The following LRP1B variants were observed in gnomAD, a reference collection of about 807,000 sequenced individuals.
LRP1B encodes the protein low-density lipoprotein receptor-related protein 1B.
Under a neutral mutation model 556.6 loss-of-function variants are expected in LRP1B, and 217 were observed. That is an observed-to-expected ratio of 0.39 (90% CI 0.35 to 0.44). LRP1B has a LOEUF of 0.44. Ranked by LOEUF, LRP1B falls within the 20% of genes least tolerant of loss-of-function variation. The pLI is 1.00. For missense variants in LRP1B, 5,053 were observed against 5,620.8 expected, an observed-to-expected ratio of 0.90 and a Z score of 3.23; for synonymous variants, 2,047 against 1,865.8, an observed-to-expected ratio of 1.10 and a Z score of -2.50.
intron 2 of LRP1B, among the ~76,000 whole-genome samples, chr2:141,661,994 C>G (rs975077779): frequency 6.6e-6 from 1 of 152,156 alleles, no homozygotes; most frequent in Non-Finnish European, 1.5e-5. Flanking sequence ...CAGCAGAAAC[C>G]CTACAAGGCA....
In LRP1B at chr2:141,350,789, A is replaced by C. The variant is rs116012643; in HGVS notation, c.344-96148T>G. Among the ~76,000 whole-genome samples the C allele has an allele frequency of 4.2e-3, 635 of 152,120 alleles. 4 individuals carry two copies. Among genetic ancestry groups the C allele is most frequent in the African/African-American group, 0.014 (565 of 41,480 alleles). On this transcript the variant is annotated intron_variant, in intron 3 of 90. Transcript: ENST00000389484. Reference sequence around the variant, plus strand: ...AACTTTGCACTTGCCTGATCAAGTCATTTCATGTAATTTCCTTCCTCAAAA... The same window carrying C: ...AACTTTGCACTTGCCTGATCAAGTCCTTTCATGTAATTTCCTTCCTCAAAA...
intron 32 of LRP1B, among the ~76,000 whole-genome samples, chr2:140,784,736 A>C (rs1274413264): frequency 6.6e-6 from 1 of 151,962 alleles, no homozygotes; most frequent in Non-Finnish European, 1.5e-5. Context: ...AGGTAAAAAA[A>C]AAAATTGAAC....
chr2:140,972,813 T>C (rs1007847254), intron 18 of LRP1B, among the ~76,000 whole-genome samples: 18 of 151,680 alleles, frequency 1.2e-4, no homozygotes, highest in African/African-American at 3.9e-4. Flanking sequence ...TTTATGTAAA[T>C]TTCTGACAAT....
intron 10 of LRP1B, among the ~76,000 whole-genome samples, chr2:141,053,630 A>G (rs1444631564): frequency 1.1e-4 from 16 of 152,044 alleles, no homozygotes. Context: ...CTACTGGTCC[A>G]GGTTTTTAAA....
intron 3 of LRP1B, among the ~76,000 whole-genome samples, chr2:141,286,194 TTTTC>T (rs1244673296): frequency 6.6e-6 from 1 of 152,180 alleles, no homozygotes. Context: ...GTCAAGTTCT[TTTTC>T]TATGTGCCTT....
intron 1 of LRP1B, among the ~76,000 whole-genome samples, chr2:142,000,290 A>G (rs1034357348): frequency 1.3e-5 from 2 of 152,114 alleles, no homozygotes; most frequent in African/African-American, 2.4e-5. Flanking sequence ...TCATAATTTC[A>G]GTTACACTCT....
intron 66 of LRP1B, among the ~76,000 whole-genome samples, chr2:140,416,826 A>G (rs1379826871): frequency 6.6e-6 from 1 of 152,160 alleles, no homozygotes; most frequent in Non-Finnish European, 1.5e-5. Flanking sequence ...TATTTTATTT[A>G]CCACATCCAT....
At chr2:141,650,106 G>A (rs1689729455) in intron 2 of LRP1B, among the ~76,000 whole-genome samples, 1 of 152,214 alleles carries the variant, frequency 6.6e-6, no homozygotes, top group Non-Finnish European at 1.5e-5. Flanking sequence ...CCTGAATCCA[G>A]GAGGCGGAGG....
At chr2:141,872,331 A>C (rs993183722) in intron 1 of LRP1B, among the ~76,000 whole-genome samples, 1 of 151,986 alleles carries the variant, frequency 6.6e-6, no homozygotes, top group Non-Finnish European at 1.5e-5. Context: ...TGGATTCAGA[A>C]GGAAACTAAC....
At chr2:142,085,131 G>C (rs1705867071) in intron 1 of LRP1B, among the ~76,000 whole-genome samples, 1 of 152,150 alleles carries the variant, frequency 6.6e-6, no homozygotes, top group Non-Finnish European at 1.5e-5. Context: ...CCAGTATTCA[G>C]AGGATTTCTT....
intron 7 of LRP1B, among the ~76,000 whole-genome samples, chr2:141,096,303 C>G (rs1457673032): frequency 6.6e-6 from 1 of 151,874 alleles, no homozygotes; most frequent in Non-Finnish European, 1.5e-5. Flanking sequence ...ACTGTAAATC[C>G]TCGGCCAGGC....
At chr2:141,905,877 C>G (rs1056905074) in intron 1 of LRP1B, among the ~76,000 whole-genome samples, 4 of 147,316 alleles carry the variant, frequency 2.7e-5, no homozygotes, top group Non-Finnish European at 6.0e-5. Context: ...ATATACATCT[C>G]TAAGAGGACA....
At chr2:141,314,025 G>A (rs1377472152) in intron 3 of LRP1B, among the ~76,000 whole-genome samples, 1 of 151,120 alleles carries the variant, frequency 6.6e-6, no homozygotes, top group Admixed American at 6.6e-5. Context: ...TTCTTTTTTG[G>A]GCGGGCATTA....
intron 2 of LRP1B, among the ~76,000 whole-genome samples, chr2:141,688,078 C>G (rs1406385396): frequency 1.3e-5 from 2 of 150,794 alleles, no homozygotes; most frequent in Non-Finnish European, 3.0e-5. Context: ...AAAGATAAAG[C>G]CAAGCATCAA....
At chr2:141,540,307 A>G (rs1025345072) in intron 2 of LRP1B, among the ~76,000 whole-genome samples, 1 of 152,052 alleles carries the variant, frequency 6.6e-6, no homozygotes, top group Non-Finnish European at 1.5e-5. Flanking sequence ...ACAAAAAAAA[A>G]AGCATAAAAA....
At chr2:140,487,101 T>C (rs1688501518) in intron 58 of LRP1B, among the ~76,000 whole-genome samples, 1 of 151,934 alleles carries the variant, frequency 6.6e-6, no homozygotes, top group African/African-American at 2.4e-5. Context: ...GAATATGACA[T>C]GGATCATACA....
intron 5 of LRP1B, among the ~76,000 whole-genome samples, chr2:141,236,601 A>C (rs1033775186): frequency 1.3e-5 from 2 of 152,326 alleles, no homozygotes; most frequent in African/African-American, 4.8e-5. Flanking sequence ...CTTTTACTTT[A>C]TAAATGGTAG....
At chr2:142,011,426 AG>A (rs1481268327) in intron 1 of LRP1B, among the ~76,000 whole-genome samples, 1 of 152,210 alleles carries the variant, frequency 6.6e-6, no homozygotes, top group Non-Finnish European at 1.5e-5. Flanking sequence ...CACATCAGAA[AG>A]CGTAGTAACC....
At chr2:140,468,030 C>A (rs963682796) in intron 60 of LRP1B, among the ~76,000 whole-genome samples, 7 of 152,050 alleles carry the variant, frequency 4.6e-5, no homozygotes, top group African/African-American at 1.4e-4. Context: ...TGGGTGGAAG[C>A]CAGGTGCTAT....
Sources: gnomAD v4.1 joint callset for allele counts (sites outside exome capture counted in the v4.1 genomes callset) on GRCh38, gnomAD v4.1.1 for gene constraint, MANE v1.5 for transcripts, NCBI Gene and HGNC (gene_info 2026-07-23, HGNC 2026-07-21) for gene names.